IL18BP: variants seen among roughly 807,000 people sequenced by gnomAD.
IL18BP encodes the protein interleukin 18 binding protein, also known as interleukin-18-binding protein.
Under a neutral mutation model 19.9 loss-of-function variants are expected in IL18BP, and 23 were observed. The ratio of observed to expected loss-of-function variants is 1.15; its 90% CI spans 0.83 to 1.64. The LOEUF is 1.64. Among genes scored for constraint, IL18BP ranks in the 40% most tolerant of loss-of-function variants. The pLI, the probability that IL18BP is intolerant of heterozygous loss-of-function variation, is 0.00. For missense variants in IL18BP, 239 were observed against 240.7 expected, an observed-to-expected ratio of 0.99 and a Z score of 0.05; for synonymous variants, 107 against 101.0, an observed-to-expected ratio of 1.06 and a Z score of -0.35.
downstream of IL18BP, chr11:72,005,973 T>C (rs1955658149): frequency 7.4e-7 from 1 of 1,349,396 alleles, no homozygotes; most frequent in Non-Finnish European, 1.0e-6. Flanking sequence ...CTCTTTTCCC[T>C]GTGCCACGAT....
rs5743664 is a variant in IL18BP at position 72,000,042 on chromosome 11, G to A, written c.28+30G>A. The A allele has an allele frequency of 2.9e-3, 4,667 of 1,612,912 alleles. 13 individuals carry two copies. The highest frequency in any genetic ancestry group is 0.016 in the African/African-American group (1,215 of 75,028). On this transcript the variant is annotated intron_variant, in intron 2 of 5. Coordinates refer to ENST00000393703, the MANE Select transcript of IL18BP (RefSeq NM_001039660.2). ...GCCTTGGGGCTACGCATGGGCAGGC[G>A]GGGTAGGGTGAGGTCTATGAACAGA...
rs1590839326 is a variant in IL18BP, at chr11:72,002,688, A to G, written c.*827A>G. The G allele has an allele frequency of 5.7e-6, 1 of 174,472 alleles. No homozygotes were observed. The highest frequency in any genetic ancestry group is 1.0e-4 in the East Asian group (1 of 9,976). The allele number at this position is 174,472 out of a possible 1,614,324, so 10.8% of individuals were successfully genotyped here. ...TGAAAAAGAAAAGAGAGAACAGCCC[A>G]TAATGCTCCCCGGGAGCAGAGGCCA... is the stretch of plus-strand genomic sequence containing the variant. On this transcript the variant is annotated 3_prime_UTR_variant, in exon 6 of 6. Coordinates refer to ENST00000393703, the MANE Select transcript of IL18BP (RefSeq NM_001039660.2).
At chr11:72,007,191 T>C (rs1955784165), downstream of IL18BP, 2 of 1,607,992 alleles carry the variant, frequency 1.2e-6, no homozygotes, top group Non-Finnish European at 1.7e-6. Context: ...AGCCTGACCT[T>C]GGTCATGGTG....
At chr11:72,006,939 C>G (rs116629053), downstream of IL18BP, among the ~76,000 whole-genome samples, 662 of 152,362 alleles carry the variant, frequency 4.3e-3, 2 homozygotes, top group African/African-American at 0.015. Flanking sequence ...TCACCCTGCA[C>G]AGGCTCAGTG....
At position 72,001,845 on chromosome 11, in the gene IL18BP, C is replaced by T. The variant is rs1036167213; in HGVS notation, c.569C>T (p.Pro190Leu). Residue 190 changes from proline (P) to leucine (L), a missense_variant, in exon 6 of 6, where the codon CCA (proline) becomes CTA (leucine). Transcript: ENST00000393703. ...QEALPSSHSS[P>L]QQQG Reference sequence around the variant, plus strand: ...GCCCTGCCCTCCAGCCACAGCAGTCCACAGCAGCAGGGTTAAGACTCAGCA... The same window carrying T: ...GCCCTGCCCTCCAGCCACAGCAGTCTACAGCAGCAGGGTTAAGACTCAGCA... The T allele has an allele frequency of 1.2e-6, 2 of 1,614,036 alleles. No homozygotes were observed. The highest frequency in any genetic ancestry group is 1.7e-6 in the Non-Finnish European group (2 of 1,180,030).
At chr11:72,007,135 C>T, downstream of IL18BP, 1 of 1,592,078 alleles carries the variant, frequency 6.3e-7, no homozygotes, top group Non-Finnish European at 8.5e-7. Flanking sequence ...GCAAAGATGC[C>T]CTTGAGAGGA....
downstream of IL18BP, chr11:72,006,027 C>A: frequency 1.2e-6 from 2 of 1,604,808 alleles, no homozygotes; most frequent in South Asian, 1.1e-5. Context: ...TCCCTGTAGT[C>A]CCCTCACCTG....
chr11:72,007,467 CT>C, downstream of IL18BP: 1 of 1,609,864 alleles, frequency 6.2e-7, no homozygotes, highest in Non-Finnish European at 8.5e-7. Context: ...AGGTACAGTC[CT>C]TCACGCTAGA....
chr11:72,000,215 G>A (rs1468713313), intron 2 of IL18BP, 136 bp from the exon 3 acceptor site: 2 of 890,526 alleles, frequency 2.2e-6, no homozygotes, highest in African/African-American at 1.6e-5. Context: ...GGGCTAAGGG[G>A]TGGGTGCTGA....
chr11:72,000,289 T>A, intron 2 of IL18BP, 62 bp from the exon 3 acceptor site: 1 of 1,449,860 alleles, frequency 6.9e-7, no homozygotes, highest in Non-Finnish European at 9.6e-7. Context: ...TGGAGTTACA[T>A]CCTTACCCGG....
At position 72,002,673 on chromosome 11, in the gene IL18BP, A is replaced by G. The variant is rs1007597290; in HGVS notation, c.*812A>G. ...GGGAACACAGGCGCTTGAAAAAGAA[A>G]AGAGAGAACAGCCCATAATGCTCCC... On this transcript the variant is annotated 3_prime_UTR_variant, in exon 6 of 6. Transcript: ENST00000393703. The G allele has an allele frequency of 1.2e-5, 2 of 171,198 alleles. No homozygotes were observed. Among genetic ancestry groups the G allele is most frequent in the African/African-American group, 2.4e-5 (1 of 42,020 alleles). The allele number at this position is 171,198 out of a possible 1,614,324, so 10.6% of individuals were successfully genotyped here. A position where few individuals can be genotyped will look rare whatever the true frequency, so the allele number is the denominator to read the frequency against.
At chr11:72,006,336 A>G, downstream of IL18BP, 2 of 1,316,448 alleles carry the variant, frequency 1.5e-6, no homozygotes, top group Non-Finnish European at 1.1e-6. Context: ...TCCCTTCCGA[A>G]GCCCTCAGAT....
At chr11:72,000,232 C>A in intron 2 of IL18BP, 119 bp from the exon 3 acceptor site, 1 of 987,570 alleles carries the variant, frequency 1.0e-6, no homozygotes, top group Non-Finnish European at 1.6e-6. Context: ...CTGAGGGGTC[C>A]CTCTTCCCGC....
rs771495036 is a variant in IL18BP at position 72,001,191 on chromosome 11, G to C, written c.236-10G>C. The C allele has an allele frequency of 6.2e-7, 1 of 1,614,012 alleles. No homozygotes were observed. Among genetic ancestry groups the C allele is most frequent in the Non-Finnish European group, 8.5e-7 (1 of 1,179,952 alleles). On this transcript the variant is annotated splice_polypyrimidine_tract_variant and intron_variant, in intron 3 of 5. Transcript: ENST00000393703. ...TCTTCTGAAGAGCTAACTGCTGCCT[G>C]TGTCCCTAGATGGAACGCTGAGCTT...
downstream of IL18BP, chr11:72,004,907 C>T: frequency 7.8e-7 from 1 of 1,281,516 alleles, no homozygotes; most frequent in African/African-American, 1.5e-5. Flanking sequence ...ACTCGCCCGA[C>T]ACTTATGGTC....
chr11:72,005,329 A>G (rs1409688875), downstream of IL18BP: 11 of 1,607,990 alleles, frequency 6.8e-6, no homozygotes, highest in African/African-American at 1.3e-4. Flanking sequence ...CCAGCTGCTC[A>G]GGCTCATCCT....
chr11:72,004,196 GCTTCATCCCC>G (rs749330353), downstream of IL18BP: 4 of 1,603,470 alleles, frequency 2.5e-6, no homozygotes, highest in Admixed American at 7.1e-5. Context: ...CCAGGGCGTC[GCTTCATCCCC>G]CTTCAGCCCC....
At chr11:72,004,507 G>A (rs1377804702), downstream of IL18BP, 5 of 1,236,768 alleles carry the variant, frequency 4.0e-6, no homozygotes, top group Middle Eastern at 2.0e-4. Flanking sequence ...CCCATCCATG[G>A]GTCAGGCCCT....
At chr11:72,003,163 C>T (rs1157535121), downstream of IL18BP, 1 of 316,560 alleles carries the variant, frequency 3.2e-6, no homozygotes, top group Non-Finnish European at 5.9e-6. Context: ...AGGGCCTACT[C>T]CTCTTATGGT....
Sources: allele counts gnomAD v4.1 joint callset (sites outside exome capture counted in the v4.1 genomes callset), GRCh38; gene constraint gnomAD v4.1.1; transcripts MANE v1.5; gene names NCBI Gene and HGNC (gene_info 2026-07-23, HGNC 2026-07-21).